Variants in FABP2 observed in about 807,000 individuals in gnomAD.
FABP2 encodes the protein fatty acid binding protein 2, also known as fatty acid-binding protein, intestinal.
Under a neutral mutation model 16.1 loss-of-function variants are expected in FABP2, and 11 were observed. The observed-to-expected ratio is 0.68, with a 90% CI of 0.43 to 1.13. The LOEUF is 1.13. Among genes scored for constraint, FABP2 ranks in the 50% most tolerant of loss-of-function variants. The pLI, the probability that FABP2 is intolerant of heterozygous loss-of-function variation, is 0.00. For synonymous variants in FABP2, 45 were observed against 50.9 expected (o/e 0.88, Z 0.49); for missense variants, 146 against 155.1 (o/e 0.94, Z 0.31).
intron 1 of FABP2, among the ~76,000 whole-genome samples, chr4:119,321,199 G>A (rs552905808): frequency 6.6e-6 from 1 of 152,166 alleles, no homozygotes; most frequent in East Asian, 1.9e-4. Flanking sequence ...TTATAAGGAA[G>A]CACATCTTTA....
intron 1 of FABP2, 94 bp from the exon 2 acceptor site, chr4:119,320,936 G>A (rs978381983): frequency 1.8e-6 from 2 of 1,117,100 alleles, no homozygotes; most frequent in Admixed American, 3.7e-5. Flanking sequence ...TTTTGAGGGT[G>A]GGAAGAAAAC....
chr4:119,320,533 G>A, intron 2 of FABP2, 137 bp downstream of exon 2: 2 of 656,412 alleles, frequency 3.0e-6, no homozygotes, highest in Non-Finnish European at 4.9e-6. Flanking sequence ...ATATAATGTA[G>A]ACAAACTTCA....
In FABP2 at chr4:119,317,465, A is replaced by C. The variant is rs1755598634; in HGVS notation, c.*1576T>G. On this transcript the variant is annotated 3_prime_UTR_variant, in exon 4 of 4. Coordinates refer to ENST00000274024, the MANE Select transcript of FABP2 (RefSeq NM_000134.4). ...TACACTCTGGTGTGTCCATGTGTAT[A>C]CATTATTTAGCTCCCACTTATAAGT... 6.6e-6 allele frequency: 1 copy of C among 152,076 alleles called. No homozygotes were observed. Among genetic ancestry groups the C allele is most frequent in the African/African-American group, 2.4e-5 (1 of 41,440 alleles). 9.4% of individuals were successfully genotyped at this position (152,076 alleles called of 1,614,324 possible).
In FABP2 at chr4:119,318,955, T is replaced by C. The variant is rs1416509598; in HGVS notation, c.*86A>G. 5 of 1,063,412 alleles carry C rather than the reference T, an allele frequency of 4.7e-6. No individual in the cohort carries two copies. Among genetic ancestry groups the C allele is most frequent in the African/African-American group, 1.7e-5 (1 of 60,524 alleles). 65.9% of individuals were successfully genotyped at this position (1,063,412 alleles called of 1,614,324 possible). The stretch of plus-strand genomic sequence containing the variant: ...AAGGACCAATCAATCAGTAACCTTA[T>C]ACTTGATGGGGTGAAATAAATAGTT... On this transcript the variant is annotated 3_prime_UTR_variant, in exon 4 of 4. Coordinates refer to ENST00000274024, the MANE Select transcript of FABP2 (RefSeq NM_000134.4).
At chr4:119,319,480 T>G in intron 3 of FABP2, 56 bp downstream of exon 3, 1 of 1,027,708 alleles carries the variant, frequency 9.7e-7, no homozygotes, top group Admixed American at 1.9e-5. Context: ...TGACAAAAAT[T>G]ATTGTTTTGT....
intron 1 of FABP2, among the ~76,000 whole-genome samples, 168 bp from the exon 2 acceptor site, chr4:119,321,010 G>A (rs970347974): frequency 6.6e-6 from 1 of 152,172 alleles, no homozygotes; most frequent in Admixed American, 6.5e-5. Flanking sequence ...GGTTCAATCA[G>A]ATCAAGAGAA....
intron 1 of FABP2, 95 bp from the exon 2 acceptor site, chr4:119,320,937 G>A: frequency 9.4e-7 from 1 of 1,063,026 alleles, no homozygotes; most frequent in Non-Finnish European, 1.3e-6. Context: ...TTTGAGGGTG[G>A]GAAGAAAACT....
rs747863571 is a variant in FABP2, at chr4:119,319,646, A to ACAT, written c.241-6_241-4dup. 1.0e-4 allele frequency: 84 copies of ACAT among 833,668 alleles called. No individual in the cohort carries two copies. The highest frequency in any genetic ancestry group is 1.3e-4 in the Non-Finnish European group (75 of 598,166). 51.6% of individuals were successfully genotyped at this position (833,668 alleles called of 1,614,324 possible). A position where few individuals can be genotyped will look rare whatever the true frequency, so the allele number is the denominator to read the frequency against. On this transcript the variant is annotated splice_polypyrimidine_tract_variant and splice_region_variant and intron_variant, in intron 2 of 3. Transcript: ENST00000274024. The stretch of plus-strand genomic sequence containing the variant: ...TTTCCCTCAAGGCTCCAGGTCCCCT[A>ACAT]CATAATAATAATAATAATAATAATA...
chr4:119,319,388 A>AT, intron 3 of FABP2, 148 bp downstream of exon 3: 1 of 467,172 alleles, frequency 2.1e-6, no homozygotes, highest in South Asian at 3.6e-5. Flanking sequence ...TAGGCATCAG[A>AT]AAATAGCTAT....
chr4:119,320,548 C>T (rs903484887), intron 2 of FABP2, 122 bp downstream of exon 2: 66 of 734,170 alleles, frequency 9.0e-5, no homozygotes, highest in Non-Finnish European at 1.3e-4. Context: ...ACTTCATTGG[C>T]TTCTTCAGTT....
chr4:119,319,652 T>C lies in FABP2; in HGVS notation c.241-9A>G, dbSNP rs748244531. 1.1e-6 allele frequency: 1 copy of C among 927,150 alleles called. No homozygotes were observed. The highest frequency in any genetic ancestry group is 1.4e-6 in the Non-Finnish European group (1 of 689,870). 57.4% of individuals were successfully genotyped at this position (927,150 alleles called of 1,614,324 possible). On this transcript the variant is annotated splice_polypyrimidine_tract_variant and intron_variant, in intron 2 of 3. Coordinates refer to ENST00000274024, the MANE Select transcript of FABP2 (RefSeq NM_000134.4). ...TCAAGGCTCCAGGTCCCCTACATAA[T>C]AATAATAATAATAATAATAATAATA...
rs4834770 is a variant in FABP2 at position 119,320,694 on chromosome 4, A to T, written c.216T>A (p.Asn72Lys). Residue 72 changes from asparagine to lysine, a missense_variant, in exon 2 of 4, where the codon AAT becomes AAA. Transcript: ENST00000274024. The part of the protein sequence containing the change: ...VFELGVTFNY[N>K]LADGTELRGT... ...CCCTGAGTTCAGTTCCGTCTGCTAG[A>T]TTGTAATTAAAGGTGACACCAAGTT... 1 of 1,593,858 alleles carries T rather than the reference A, an allele frequency of 6.3e-7. No homozygotes were observed. Among genetic ancestry groups the T allele is most frequent in the East Asian group, 2.3e-5 (1 of 43,846 alleles).
intron 1 of FABP2, 138 bp from the exon 2 acceptor site, chr4:119,320,980 A>G: frequency 1.6e-6 from 1 of 640,128 alleles, no homozygotes; most frequent in Non-Finnish European, 2.5e-6. Flanking sequence ...GAACATTCAG[A>G]TTGCTTCTAC....
chr4:119,317,328 G>A lies in FABP2; in HGVS notation c.*1713C>T, dbSNP rs1755596321. ...CATTGATATATTGCATAGTGGTAAAGTCTGGGCTGTAACCATCACCCCCTG... is the reference window on the plus strand; with the variant it reads ...CATTGATATATTGCATAGTGGTAAAATCTGGGCTGTAACCATCACCCCCTG... On this transcript the variant is annotated 3_prime_UTR_variant, in exon 4 of 4. Transcript: ENST00000274024. 6.6e-6 allele frequency: 1 copy of A among 151,970 alleles called. No individual in the cohort carries two copies. The highest frequency in any genetic ancestry group is 2.4e-5 in the African/African-American group (1 of 41,366). 9.4% of individuals were successfully genotyped at this position (151,970 alleles called of 1,614,324 possible).
chr4:119,322,087 T>C lies in FABP2; in HGVS notation c.16A>G (p.Thr6Ala). Reference sequence around the variant, plus strand: ...TTTTCACTCCGGTCTACCTTCCAAGTGCTGTCAAACGCCATGATTTCAGTT... The same window carrying C: ...TTTTCACTCCGGTCTACCTTCCAAGCGCTGTCAAACGCCATGATTTCAGTT... MAFDS[T>A]WKVDRSENYD... Residue 6 changes from threonine (T) to alanine (A), a missense_variant, in exon 1 of 4, where the codon ACT becomes GCT. By Grantham distance (58) the Thr-to-Ala change is moderately conservative. Transcript: ENST00000274024. 4 of 1,613,356 alleles carry C rather than the reference T, an allele frequency of 2.5e-6. No individual in the cohort carries two copies. The highest frequency in any genetic ancestry group is 3.4e-6 in the Non-Finnish European group (4 of 1,179,602).
chr4:119,320,869 A>G, intron 1 of FABP2, 27 bp from the exon 2 acceptor site: 1 of 1,508,608 alleles, frequency 6.6e-7, no homozygotes, highest in Non-Finnish European at 8.8e-7. Context: ...AATGGAGAAA[A>G]TAAAGTCAAA....
intron 3 of FABP2, 107 bp from the exon 4 acceptor site, chr4:119,319,198 TTA>T: frequency 2.2e-6 from 1 of 454,480 alleles, no homozygotes; most frequent in Non-Finnish European, 3.6e-6. Context: ...TATTTTTATA[TTA>T]TATATTCATA....
chr4:119,320,728 A>G lies in FABP2; in HGVS notation c.182T>C (p.Val61Ala). The G allele has an allele frequency of 3.7e-6, 6 of 1,605,136 alleles. No individual in the cohort carries two copies. The highest frequency in any genetic ancestry group is 2.3e-5 in the East Asian group (1 of 44,360). ...AAAGGTGACACCAAGTTCAAAAACA[A>G]CTTCAATGTTTCGAAAAGTGCTTGA... ...KESSTFRNIE[V>A]VFELGVTFNY... The change falls in exon 2 of 4, where the codon GTT becomes GCT. Residue 61 changes from valine (V) to alanine (A), a missense_variant. Val to Ala is a moderately conservative substitution (Grantham distance 64, BLOSUM62 0). Transcript: ENST00000274024.
chr4:119,319,170 T>C, intron 3 of FABP2, 79 bp from the exon 4 acceptor site: 1 of 788,318 alleles, frequency 1.3e-6, no homozygotes, highest in Admixed American at 2.8e-5. Flanking sequence ...TATAGTTTTA[T>C]ACTATATGAG....
Sources: gnomAD v4.1 joint callset for allele counts (sites outside exome capture counted in the v4.1 genomes callset) on GRCh38, gnomAD v4.1.1 for gene constraint, MANE v1.5 for transcripts, NCBI Gene and HGNC (gene_info 2026-07-23, HGNC 2026-07-21) for gene names.